Variants in DIP2C observed in about 807,000 individuals in gnomAD.
The protein encoded by DIP2C is DIP2 acetate--CoA ligase C (putative).
A neutral mutation model predicts 192.4 loss-of-function variants in DIP2C; 33 were observed. The observed-to-expected ratio is 0.17, with a 90% confidence interval of 0.13 to 0.23. The LOEUF (loss-of-function observed/expected upper bound fraction) is 0.23. Ranked by LOEUF, DIP2C falls within the 10% of genes least tolerant of loss-of-function variation. The pLI, the probability that DIP2C is intolerant of heterozygous loss-of-function variation, is 1.00. For synonymous variants in DIP2C, 979 were observed against 864.1 expected (o/e 1.13, Z -2.33); for missense variants, 1,537 against 2,110.1 (o/e 0.73, Z 5.32).
chr10:622,189 A>C (rs772493383), intron 1 of DIP2C, among the ~76,000 whole-genome samples: 1 of 149,256 alleles, frequency 6.7e-6, no homozygotes, highest in Non-Finnish European at 1.5e-5. Context: ...GCTGCCCCCA[A>C]GCTGCTTGGA....
At chr10:356,296 T>C in intron 24 of DIP2C, 130 bp downstream of exon 24, 3 of 1,087,962 alleles carry the variant, frequency 2.8e-6, no homozygotes, top group South Asian at 2.5e-5. Flanking sequence ...TCAGTCAAAA[T>C]AGCAAAACAT....
intron 1 of DIP2C, among the ~76,000 whole-genome samples, chr10:592,476 G>A (rs1192877546): frequency 6.6e-6 from 1 of 151,418 alleles, no homozygotes; most frequent in Non-Finnish European, 1.5e-5. Context: ...ATATTCCTCA[G>A]CAGTGAAAAT....
At chr10:531,213 G>A (rs111663623) in intron 1 of DIP2C, among the ~76,000 whole-genome samples, 8 of 152,158 alleles carry the variant, frequency 5.3e-5, no homozygotes, top group South Asian at 2.1e-4. Context: ...GACTTTCCCC[G>A]TAAACATTCA....
Position 375,279 on chromosome 10 carries a change from T to TCC in DIP2C, c.1992-5647_1992-5646insGG, listed in dbSNP as rs148556262. Among the ~76,000 whole-genome samples, 993 of 152,268 alleles carry TCC rather than the reference T, an allele frequency of 6.5e-3. 5 individuals are homozygous for TCC. Among genetic ancestry groups the TCC allele is most frequent in the Non-Finnish European group, 9.6e-3 (656 of 68,022 alleles). ...GAGCTGGGCACCTCCTCTCTCTCTC[T>TCC]CTTGCTCGCTCAATCTCTCACCATG... On this transcript the variant is annotated intron_variant, in intron 17 of 36. Transcript: ENST00000280886.
At chr10:301,345 A>G (rs532259102) in intron 32 of DIP2C, among the ~76,000 whole-genome samples, 1 of 152,306 alleles carries the variant, frequency 6.6e-6, no homozygotes, top group East Asian at 1.9e-4. Flanking sequence ...GTGATGTCAG[A>G]GGGAGGGGAT....
At chr10:465,031 A>C (rs1208304053) in intron 3 of DIP2C, among the ~76,000 whole-genome samples, 1 of 148,842 alleles carries the variant, frequency 6.7e-6, no homozygotes, top group East Asian at 2.0e-4. Context: ...TCCCTAACTC[A>C]TTTTATGAGG....
At chr10:619,541 G>GCCCGCCCA in intron 1 of DIP2C, among the ~76,000 whole-genome samples, 3 of 67,896 alleles carry the variant, frequency 4.4e-5, no homozygotes, top group African/African-American at 1.0e-4. Flanking sequence ...CCGCCCGCCC[G>GCCCGCCCA]CCCTCCCACC....
rs143769111 is a variant in DIP2C at position 656,166 on chromosome 10, CTA to C, written c.85+33326_85+33327del. Among the ~76,000 whole-genome samples the C allele has an allele frequency of 4.2e-3, 547 of 130,276 alleles. 1 individual carries two copies. The highest frequency in any genetic ancestry group is 0.012 in the African/African-American group (348 of 28,224). 85.5% of individuals were successfully genotyped at this position (130,276 alleles called of 152,430 possible). A position where few individuals can be genotyped will look rare whatever the true frequency, so the allele number is the denominator to read the frequency against. ...TATAAGTTACACTGTTTCTTCTATT[CTA>C]TGTTACCCTATATAACGCTATACTA... On this transcript the variant is annotated intron_variant, in intron 1 of 36. Transcript: ENST00000280886.
At chr10:398,226 C>T (rs1306456216) in intron 10 of DIP2C, among the ~76,000 whole-genome samples, 2 of 152,120 alleles carry the variant, frequency 1.3e-5, no homozygotes, top group Admixed American at 6.5e-5. Context: ...CTGATAAGAA[C>T]CATTTACACC....
chr10:506,980 G>C (rs767838939), intron 1 of DIP2C, among the ~76,000 whole-genome samples: 2 of 152,066 alleles, frequency 1.3e-5, no homozygotes, highest in Admixed American at 6.5e-5. Context: ...GACGAGAGGC[G>C]TGTGGTCAAG....
At position 484,914 on chromosome 10, in the gene DIP2C, C is replaced by A. The variant is rs573637827; in HGVS notation, c.157+1545G>T. On this transcript the variant is annotated intron_variant, in intron 2 of 36. Coordinates refer to ENST00000280886, the MANE Select transcript of DIP2C (RefSeq NM_014974.3). ...TCCTCGGCGCTCCTTCACTGTGCTGCAGTCTACACCGAACCACGGCAGCTC... is the reference window on the plus strand; with the variant it reads ...TCCTCGGCGCTCCTTCACTGTGCTGAAGTCTACACCGAACCACGGCAGCTC... 9.1e-5 allele frequency: 146 copies of A among 1,611,508 alleles called. 1 individual carries two copies. The East Asian group carries it at 2.8e-3, about 31-fold the overall frequency.
chr10:473,478 GCT>G (rs1044783553), intron 2 of DIP2C, among the ~76,000 whole-genome samples: 53 of 149,692 alleles, frequency 3.5e-4, no homozygotes, highest in African/African-American at 1.3e-3. Flanking sequence ...TCTGTGAACG[GCT>G]CTGATATCAC....
In DIP2C at chr10:451,900, C is replaced by T. The variant is rs555558325; in HGVS notation, c.269-10904G>A. Among the ~76,000 whole-genome samples, 4 of 151,758 alleles carry T rather than the reference C, an allele frequency of 2.6e-5. No homozygotes were observed. In the South Asian group the frequency reaches 8.3e-4, roughly 31 times the overall value. ...AAAGACATTTTAAGAAATGTTTGCA[C>T]CATACACAAGTCTGCTACATTTGGT... On this transcript the variant is annotated intron_variant, in intron 3 of 36. Coordinates refer to ENST00000280886, the MANE Select transcript of DIP2C (RefSeq NM_014974.3).
In DIP2C at chr10:435,115, A is replaced by G. The variant is rs184865339; in HGVS notation, c.394+5756T>C. On this transcript the variant is annotated intron_variant, in intron 4 of 36. Transcript: ENST00000280886. The stretch of plus-strand genomic sequence containing the variant: ...TCTTCTCCTTGTATTACCGTTCCGC[A>G]TAATTTATGCTTTCTGTAGTCGTCC... Among the ~76,000 whole-genome samples, 8 of 152,266 alleles carry G rather than the reference A, an allele frequency of 5.3e-5. No individual in the cohort carries two copies. In the East Asian group the frequency reaches 1.2e-3, roughly 22 times the overall value.
rs1035834544 is a variant in DIP2C, at chr10:423,145, T to G, written c.395-112A>C. 3.5e-5 allele frequency: 36 copies of G among 1,022,158 alleles called. No individual in the cohort carries two copies. The Admixed American group carries it at 7.4e-4, about 21-fold the overall frequency. 63.3% of individuals were successfully genotyped at this position (1,022,158 alleles called of 1,614,324 possible). On this transcript the variant is annotated intron_variant, in intron 4 of 36. Coordinates refer to ENST00000280886, the MANE Select transcript of DIP2C (RefSeq NM_014974.3). ...CACGTAAGTCTCAATAGTTGTTCAATGACTTTTTGATACACTCTTGAGAAG... is the reference window on the plus strand; with the variant it reads ...CACGTAAGTCTCAATAGTTGTTCAAGGACTTTTTGATACACTCTTGAGAAG...
At chr10:586,143 C>T (rs941418375) in intron 1 of DIP2C, among the ~76,000 whole-genome samples, 1 of 152,144 alleles carries the variant, frequency 6.6e-6, no homozygotes, top group East Asian at 1.9e-4. Context: ...CTTCATTCCA[C>T]GTTTCCTTCT....
At chr10:291,140 G>A (rs1436584587) in intron 32 of DIP2C, among the ~76,000 whole-genome samples, 2 of 152,204 alleles carry the variant, frequency 1.3e-5, no homozygotes, top group South Asian at 2.1e-4. Context: ...TGAGGCTCTG[G>A]GCAGGTGTGT....
chr10:419,489 G>A (rs1475758111), intron 5 of DIP2C, among the ~76,000 whole-genome samples: 3 of 152,206 alleles, frequency 2.0e-5, no homozygotes, highest in Admixed American at 1.3e-4. Flanking sequence ...GACTGGCAAT[G>A]GCAGGGCGTC....
chr10:533,150 A>T (rs1338524297), intron 1 of DIP2C, among the ~76,000 whole-genome samples: 1 of 152,140 alleles, frequency 6.6e-6, no homozygotes, highest in East Asian at 1.9e-4. Flanking sequence ...AGTATCTAAG[A>T]AAGTGTCAGA....
Sources: gnomAD v4.1 joint callset for allele counts (sites outside exome capture counted in the v4.1 genomes callset) on GRCh38, gnomAD v4.1.1 for gene constraint, MANE v1.5 for transcripts, NCBI Gene and HGNC (gene_info 2026-07-23, HGNC 2026-07-21) for gene names.